Variants in CLIP2 observed in about 807,000 individuals in gnomAD.
The protein encoded by CLIP2 is CAP-Gly domain-containing linker protein 2.
A neutral mutation model predicts 111.7 loss-of-function variants in CLIP2; 41 were observed. That is an observed-to-expected ratio of 0.37 (90% CI 0.29 to 0.48). CLIP2 has a LOEUF of 0.48. CLIP2 is among the 20% of genes least tolerant of loss of function. CLIP2 has a pLI of 0.99. For missense variants in CLIP2, 1,160 were observed against 1,422.1 expected (o/e 0.82, Z 2.96); for synonymous variants, 660 against 644.2 (o/e 1.02, Z -0.37).
intron 1 of CLIP2, among the ~76,000 whole-genome samples, chr7:74,293,055 C>G (rs1047511897): frequency 2.0e-5 from 3 of 152,202 alleles, no homozygotes; most frequent in Admixed American, 2.0e-4. Flanking sequence ...TCACCTAAGG[C>G]TGACGTGGCC....
intron 8 of CLIP2, chr7:74,364,801 C>A: frequency 2.2e-6 from 1 of 451,714 alleles, no homozygotes; most frequent in South Asian, 1.6e-5. Context: ...GGCAGAGGAT[C>A]ACTTGAGCCC....
In CLIP2 at chr7:74,338,874, G is replaced by A. The variant is rs138503584; in HGVS notation, c.548G>A (p.Arg183His). Residue 183 changes from arginine to histidine, a missense_variant, in exon 3 of 17, where the codon CGC becomes CAC. By Grantham distance (29) the Arg-to-His change is conservative (BLOSUM62 0). Coordinates refer to ENST00000223398, the MANE Select transcript of CLIP2 (RefSeq NM_003388.5). This position sits in a 1 kb window ranked among gnomAD's most constrained non-coding sequence, Gnocchi z 4.3. ...SGTATPPLTS[R>H]VIPLRESVLN... ...ACGGCCACGCCCCCGCTGACCAGCC[G>A]CGTCATCCCCCTGCGGGAGAGCGTC... 27 of 1,607,732 alleles carry A rather than the reference G, an allele frequency of 1.7e-5. No individual in the cohort carries two copies. The African/African-American group carries it at 2.8e-4, about 17-fold the overall frequency.
At chr7:74,357,160 G>A in intron 5 of CLIP2, 120 bp from the exon 6 acceptor site, 1 of 780,324 alleles carries the variant, frequency 1.3e-6, no homozygotes, top group Non-Finnish European at 2.1e-6. Context: ...GCAGGACCCT[G>A]GGAGTCAAGG....
At chr7:74,319,721 T>C (rs1788890866) in intron 2 of CLIP2, among the ~76,000 whole-genome samples, 1 of 150,958 alleles carries the variant, frequency 6.6e-6, no homozygotes, top group African/African-American at 2.4e-5. Flanking sequence ...CTCAGGAGGG[T>C]GAGGCAGGAG....
At chr7:74,349,441 A>AC (rs1789906890) in intron 3 of CLIP2, among the ~76,000 whole-genome samples, 1 of 83,706 alleles carries the variant, frequency 1.2e-5, no homozygotes, top group Non-Finnish European at 2.9e-5. Context: ...AAAAAAAAAA[A>AC]AAAAAAGTAT....
At chr7:74,321,417 C>G (rs1050863763) in intron 2 of CLIP2, among the ~76,000 whole-genome samples, 4 of 152,022 alleles carry the variant, frequency 2.6e-5, no homozygotes, top group African/African-American at 9.7e-5. Flanking sequence ...ATTGGCAGTT[C>G]CTGAGTTTTA....
chr7:74,353,850 C>T (rs782747471), intron 3 of CLIP2, 30 bp from the exon 4 acceptor site: 4 of 1,614,008 alleles, frequency 2.5e-6, no homozygotes, highest in Non-Finnish European at 3.4e-6. Context: ...ACTGCATCCT[C>T]TAGACCTGAG....
intron 1 of CLIP2, among the ~76,000 whole-genome samples, chr7:74,312,345 C>T (rs947425792): frequency 5.3e-5 from 8 of 151,648 alleles, no homozygotes; most frequent in Non-Finnish European, 8.8e-5. Context: ...GGTGGGGGGG[C>T]GGGGGTCAGG....
chr7:74,337,526 C>T (rs1554732353), intron 2 of CLIP2, among the ~76,000 whole-genome samples: 9 of 151,688 alleles, frequency 5.9e-5, no homozygotes, highest in Non-Finnish European at 1.5e-5. Context: ...GGCTTGTAAT[C>T]CTTGAGAACG....
intron 2 of CLIP2, among the ~76,000 whole-genome samples, chr7:74,332,009 G>A (rs1451663165): frequency 6.6e-6 from 1 of 152,136 alleles, no homozygotes; most frequent in African/African-American, 2.4e-5. Flanking sequence ...TATTGTGGTG[G>A]GTGGGGGGCA....
intron 1 of CLIP2, among the ~76,000 whole-genome samples, chr7:74,302,764 A>G (rs1554727029): frequency 6.6e-6 from 1 of 152,108 alleles, no homozygotes; most frequent in Non-Finnish European, 1.5e-5. Flanking sequence ...GTTTGAAGCC[A>G]CGTGGGCTTG....
rs2092344128 is a variant in CLIP2 at position 74,393,163 on chromosome 7, GT to G, written c.2720+3905del. On this transcript the variant is annotated intron_variant, in intron 13 of 16. Transcript: ENST00000223398. Reference sequence around the variant, plus strand: ...CGATTCTCCTGCCTCAGCCTCCCGAGTAGCTGGGATTACAGGCGCCCATCAC... The same window carrying G: ...CGATTCTCCTGCCTCAGCCTCCCGAGAGCTGGGATTACAGGCGCCCATCAC... 4.6e-5 allele frequency among the ~76,000 whole-genome samples: 7 copies of G among 151,210 alleles called. No homozygotes were observed. The South Asian group carries it at 1.5e-3, about 32-fold the overall frequency.
rs1554732820 is a variant in CLIP2, at chr7:74,338,961, T to C, written c.635T>C (p.Val212Ala). ...TCCAACCTCTCAGACAGCGGCTCTG[T>C]GAAGCGGGGCGAAAAGGACCTGCGC... ...SGSNLSDSGS[V>A]KRGEKDLRLG... Residue 212 changes from valine (V) to alanine (A), a missense_variant, in exon 3 of 17, where the codon GTG (valine) becomes GCG (alanine). Transcript: ENST00000223398. The surrounding 1 kb of genome is among the most constrained non-coding windows in gnomAD (Gnocchi z 4.3). 1.3e-6 allele frequency: 2 copies of C among 1,599,340 alleles called. No homozygotes were observed. The highest frequency in any genetic ancestry group is 1.1e-5 in the South Asian group (1 of 91,076).
At position 74,404,228 on chromosome 7, in the gene CLIP2, C is replaced by T. The variant is rs936831070; in HGVS notation, c.*380C>T. On this transcript the variant is annotated 3_prime_UTR_variant, in exon 17 of 17. Coordinates refer to ENST00000223398, the MANE Select transcript of CLIP2 (RefSeq NM_003388.5). ...TCCTCTTTTTCCGCCCATTCTCCCT[C>T]GGGTCTCCCCAGAGGGGCCGGCGGG... 9.2e-5 allele frequency: 23 copies of T among 250,650 alleles called. No individual in the cohort carries two copies. The highest frequency in any genetic ancestry group is 2.4e-4 in the South Asian group (4 of 16,626). 15.5% of individuals were successfully genotyped at this position (250,650 alleles called of 1,614,324 possible).
intron 13 of CLIP2, among the ~76,000 whole-genome samples, chr7:74,390,090 TAAAA>T: frequency 1.1e-5 from 1 of 89,292 alleles, no homozygotes; most frequent in Non-Finnish European, 2.3e-5. Flanking sequence ...CCTGTCTCTT[TAAAA>T]AAAAAAAAGA....
intron 3 of CLIP2, among the ~76,000 whole-genome samples, chr7:74,349,470 G>GTATGTA (rs1789914099): frequency 8.9e-5 from 3 of 33,768 alleles, no homozygotes; most frequent in Non-Finnish European, 1.1e-4. Flanking sequence ...GTGTGTGTGT[G>GTATGTA]TATATATATA....
In CLIP2 at chr7:74,376,209, C is replaced by A. The variant is rs782558760; in HGVS notation, c.1808C>A (p.Thr603Asn). The part of the protein sequence containing the change: ...AGLKDKVQQA[T>N]SENMGLMDNW... Reference sequence around the variant, plus strand: ...CTGAAGGACAAGGTTCAGCAGGCCACCAGCGAGAACATGGGGCTAATGGAC... The same window carrying A: ...CTGAAGGACAAGGTTCAGCAGGCCAACAGCGAGAACATGGGGCTAATGGAC... Residue 603 changes from threonine (T) to asparagine (N), a missense_variant, in exon 10 of 17, where the codon ACC becomes AAC. Around this residue, in one of 5 missense-constraint regions of CLIP2, gnomAD observed 676 missense variants for 777.8 expected, o/e 0.87. Transcript: ENST00000223398. This position sits in a 1 kb window ranked among gnomAD's most constrained non-coding sequence, Gnocchi z 7.1. The A allele has an allele frequency of 2.5e-6, 4 of 1,612,532 alleles. No individual in the cohort carries two copies. Among genetic ancestry groups the A allele is most frequent in the Non-Finnish European group, 3.4e-6 (4 of 1,179,484 alleles).
intron 2 of CLIP2, among the ~76,000 whole-genome samples, chr7:74,333,344 C>G (rs1554731629): frequency 6.6e-6 from 1 of 150,932 alleles, no homozygotes; most frequent in Non-Finnish European, 1.5e-5. Context: ...CCACCACGCC[C>G]AGCTAATTAT....
chr7:74,310,796 C>T (rs1788623166), intron 1 of CLIP2, among the ~76,000 whole-genome samples: 2 of 151,790 alleles, frequency 1.3e-5, no homozygotes, highest in South Asian at 2.1e-4. Flanking sequence ...ACTGCAACCT[C>T]TGCCTCCTGG....
Sources: gnomAD v4.1 joint callset for allele counts (sites outside exome capture counted in the v4.1 genomes callset) on GRCh38, gnomAD v4.1.1 for gene constraint, gnomAD v4.1.1 regional missense constraint, Gnocchi (gnomAD v3.1) non-coding constraint, MANE v1.5 for transcripts, NCBI Gene and HGNC (gene_info 2026-07-23, HGNC 2026-07-21) for gene names.